The following THOC2 variants were observed in gnomAD, a reference collection of about 807,000 sequenced individuals.
THOC2 encodes the protein THO complex subunit 2.
A neutral mutation model predicts 128.4 loss-of-function variants in THOC2; 10 were observed. The observed-to-expected ratio is 0.08, with a 90% CI of 0.05 to 0.13. The LOEUF (loss-of-function observed/expected upper bound fraction) is 0.13, where lower values mean the gene tolerates loss of function less well. THOC2 is among the 10% of genes least tolerant of loss of function. The pLI, the probability that THOC2 is intolerant of heterozygous loss-of-function variation, is 1.00. For missense variants in THOC2, 535 were observed against 1,155.7 expected (o/e 0.46, Z 7.79); for synonymous variants, 393 against 396.9 (o/e 0.99, Z 0.12).
chrX:123,717,635 T>A (rs1484992275), intron 1 of THOC2, among the ~76,000 whole-genome samples: 1 of 97,703 alleles, frequency 1.0e-5, no homozygotes, highest in Admixed American at 1.2e-4. Context: ...GCAATCTCTA[T>A]CAAAACACCA....
At chrX:123,651,175 C>A (rs1442155095) in intron 12 of THOC2, among the ~76,000 whole-genome samples, 1 of 111,762 alleles carries the variant, frequency 8.9e-6, no homozygotes, top group Non-Finnish European at 1.9e-5. Context: ...TACATGGAAA[C>A]TGAACAACTT....
At chrX:123,666,178 C>T (rs1053807555) in intron 11 of THOC2, among the ~76,000 whole-genome samples, 2 of 111,866 alleles carry the variant, frequency 1.8e-5, no homozygotes, top group South Asian at 7.5e-4. Flanking sequence ...TGGCCGGTAT[C>T]GGGAACTTGG....
intron 25 of THOC2, among the ~76,000 whole-genome samples, chrX:123,625,541 G>A (rs780744837): frequency 9.4e-6 from 1 of 106,492 alleles, no homozygotes; most frequent in Admixed American, 1.0e-4. Flanking sequence ...TTTTTGAGAA[G>A]TGAAGGTTAA....
At chrX:123,696,226 T>G (rs2050441192) in intron 6 of THOC2, 72 bp from the exon 7 acceptor site, 1 of 724,504 alleles carries the variant, frequency 1.4e-6, no homozygotes, top group Non-Finnish European at 2.0e-6. Context: ...AGTACTGTAT[T>G]CTCACTGAAT....
chrX:123,655,509 G>T (rs1175440155), intron 12 of THOC2, among the ~76,000 whole-genome samples: 2 of 111,748 alleles, frequency 1.8e-5, no homozygotes, highest in Non-Finnish European at 3.8e-5. Flanking sequence ...TGAAAGGATA[G>T]TATACTAAAC....
At chrX:123,613,360 T>A in intron 36 of THOC2, 39 bp downstream of exon 36, 1 of 1,149,816 alleles carries the variant, frequency 8.7e-7, no homozygotes. Flanking sequence ...TTGATTTTTT[T>A]AAGATAAAGC....
At chrX:123,725,683 T>C in intron 1 of THOC2, among the ~76,000 whole-genome samples, 1 of 96,460 alleles carries the variant, frequency 1.0e-5, no homozygotes, top group Non-Finnish European at 2.1e-5. Flanking sequence ...AAACCTAACA[T>C]AAGTTTATCT....
intron 22 of THOC2, among the ~76,000 whole-genome samples, chrX:123,629,165 ATATG>A (rs2047377462): frequency 9.5e-6 from 1 of 105,210 alleles, no homozygotes; most frequent in East Asian, 2.9e-4. Context: ...TATTCTATAT[ATATG>A]AAGATAACAT....
At chrX:123,658,559 T>C (rs1173770736) in intron 12 of THOC2, among the ~76,000 whole-genome samples, 3 of 112,182 alleles carry the variant, frequency 2.7e-5, no homozygotes, top group African/African-American at 9.7e-5. Flanking sequence ...AGAGGAAACC[T>C]AAATGTGTAT....
chrX:123,693,086 G>A (rs1028289067), intron 7 of THOC2, among the ~76,000 whole-genome samples: 3 of 111,868 alleles, frequency 2.7e-5, no homozygotes, highest in African/African-American at 9.8e-5. Flanking sequence ...GCACTAAGAG[G>A]GACTCCAATA....
At chrX:123,621,053 T>TC in intron 31 of THOC2, 88 bp from the exon 32 acceptor site, 1 of 1,182,304 alleles carries the variant, frequency 8.5e-7, no homozygotes, top group Non-Finnish European at 1.1e-6. Flanking sequence ...TATGACAAGT[T>TC]CCCCTAGCAA....
intron 4 of THOC2, among the ~76,000 whole-genome samples, chrX:123,699,251 A>G (rs2050590530): frequency 8.9e-6 from 1 of 112,259 alleles, no homozygotes; most frequent in South Asian, 3.7e-4. Flanking sequence ...TACTGCCAAC[A>G]CTAAGAATCA....
rs764269021 is a variant in THOC2 at position 123,705,912 on chromosome X, T to C, written c.222+946A>G. ...TTATAAATGTATATATACACATATA[T>C]ACACAGACACAAGATAATTTTATTT... On this transcript the variant is annotated intron_variant, in intron 3 of 38. Transcript: ENST00000245838. Among the ~76,000 whole-genome samples, 12 of 111,506 alleles carry C rather than the reference T, an allele frequency of 1.1e-4. No individual in the cohort carries two copies. In the South Asian group the frequency reaches 4.4e-3, roughly 41 times the overall value.
At chrX:123,709,621 A>G (rs1203600164) in intron 2 of THOC2, among the ~76,000 whole-genome samples, 1 of 111,600 alleles carries the variant, frequency 9.0e-6, no homozygotes, top group East Asian at 2.8e-4. Context: ...AGGTACTTCT[A>G]GAGATTCTTA....
rs755422559 is a variant in THOC2 at position 123,633,075 on chromosome X, A to G, written c.2137-35T>C. 5.2e-5 allele frequency: 56 copies of G among 1,083,574 alleles called. No individual in the cohort carries two copies. The Admixed American group carries it at 5.6e-4, about 11-fold the overall frequency. 89.3% of individuals were successfully genotyped at this position (1,083,574 alleles called of 1,213,427 possible). A position where few individuals can be genotyped will look rare whatever the true frequency, so the allele number is the denominator to read the frequency against. ...GGAAGACACAAATTTACCAGTGTAC[A>G]GTACATAACCCATGCTAATTTGAAA... On this transcript the variant is annotated intron_variant, in intron 20 of 38. Coordinates refer to ENST00000245838, the MANE Select transcript of THOC2 (RefSeq NM_001081550.2).
At chrX:123,641,092 C>T (rs771923203) in intron 15 of THOC2, among the ~76,000 whole-genome samples, 2 of 110,857 alleles carry the variant, frequency 1.8e-5, no homozygotes, top group South Asian at 7.5e-4. Flanking sequence ...ACTTTACTCC[C>T]TCAATATGTA....
intron 38 of THOC2, chrX:123,601,985 C>T (rs1158666560): frequency 8.9e-6 from 1 of 112,301 alleles, no homozygotes; most frequent in Non-Finnish European, 1.9e-5. Context: ...ATTTCCTTTC[C>T]TTTATGTATT....
In THOC2 at chrX:123,623,963, T is replaced by C. The variant is rs1264777226; in HGVS notation, c.3327A>G (p.Val1109=). ...TATATTCGCCTGTTTCAAGGCAATG[T>C]ACCGATGCCTACAACAAACATTTTC... is the stretch of plus-strand genomic sequence containing the variant. ...KWHYKLTKAS[V]HCLETGEYTH... Residue 1109 remains valine, a synonymous_variant, in exon 28 of 39, where the codon GTA becomes GTG. Transcript: ENST00000245838. The C allele has an allele frequency of 8.4e-7, 1 of 1,191,251 alleles. No homozygotes were observed. Among genetic ancestry groups the C allele is most frequent in the Admixed American group, 2.4e-5 (1 of 42,523 alleles).
chrX:123,727,231 A>T (rs959351304), intron 1 of THOC2, among the ~76,000 whole-genome samples: 3 of 110,623 alleles, frequency 2.7e-5, no homozygotes, highest in African/African-American at 9.9e-5. Flanking sequence ...CTTAGTTAAA[A>T]ATAAATTTTT....
Sources: allele counts gnomAD v4.1 joint callset (sites outside exome capture counted in the v4.1 genomes callset), GRCh38; gene constraint gnomAD v4.1.1; transcripts MANE v1.5; gene names NCBI Gene and HGNC (gene_info 2026-07-23, HGNC 2026-07-21).